PPP2R5C: variants seen among roughly 807,000 people sequenced by gnomAD.
PPP2R5C encodes serine/threonine-protein phosphatase 2A 56 kDa regulatory subunit gamma isoform.
A neutral mutation model predicts 68.9 loss-of-function variants in PPP2R5C; 7 were observed. The observed-to-expected ratio is 0.10, with a 90% CI of 0.06 to 0.19. The LOEUF is 0.19. PPP2R5C is among the 10% of genes least tolerant of loss of function. The pLI is 1.00. For missense variants in PPP2R5C, 348 were observed against 641.3 expected (o/e 0.54, Z 4.94); for synonymous variants, 210 against 222.2 (o/e 0.95, Z 0.49).
Position 101,888,507 on chromosome 14 carries a change from T to G in PPP2R5C, c.630-1730T>G, listed in dbSNP as rs969021933. Among the ~76,000 whole-genome samples, 3 of 152,194 alleles carry G rather than the reference T, an allele frequency of 2.0e-5. No individual in the cohort carries two copies. The highest frequency in any genetic ancestry group is 4.4e-5 in the Non-Finnish European group (3 of 68,032). ...TAGGCTTTGGCCACCTGCATTGTTG[T>G]GCTACTGGGTCTCCCTGCTAAAGGT... On this transcript the variant is annotated intron_variant, in intron 5 of 13. Transcript: ENST00000334743. The surrounding 1 kb of genome is among the most constrained non-coding windows in gnomAD (Gnocchi z 5.6).
chr14:101,780,642 CCT>C (rs1330082112), intron 2 of PPP2R5C, among the ~76,000 whole-genome samples: 1 of 152,136 alleles, frequency 6.6e-6, no homozygotes, highest in South Asian at 2.1e-4. Flanking sequence ...TTAACACACT[CCT>C]CTCTCTCTTG....
chr14:101,911,739 C>T (rs1595539994), intron 11 of PPP2R5C, among the ~76,000 whole-genome samples: 1 of 152,088 alleles, frequency 6.6e-6, no homozygotes, highest in South Asian at 2.1e-4. Flanking sequence ...GAAAATTAGC[C>T]GGGCGGTAGT....
Position 101,891,845 on chromosome 14 carries a change from A to T in PPP2R5C, c.690-1155A>T, listed in dbSNP as rs1172287305. On this transcript the variant is annotated intron_variant, in intron 6 of 13. Transcript: ENST00000334743. The surrounding 1 kb of genome is among the most constrained non-coding windows in gnomAD (Gnocchi z 4.9). ...AGTGGCAGTCACTCCCGTTTGCCTA[A>T]TTACAAAACCAAGACAATAAACTAG... Among the ~76,000 whole-genome samples, 1 of 152,234 alleles carries T rather than the reference A, an allele frequency of 6.6e-6. No individual in the cohort carries two copies. Among genetic ancestry groups the T allele is most frequent in the Non-Finnish European group, 1.5e-5 (1 of 68,046 alleles).
At position 101,917,781 on chromosome 14, in the gene PPP2R5C, A is replaced by G; in HGVS notation, c.1327-50A>G. 6.2e-7 allele frequency: 1 copy of G among 1,607,762 alleles called. No homozygotes were observed. The highest frequency in any genetic ancestry group is 8.5e-7 in the Non-Finnish European group (1 of 1,176,030). ...TCCCTAGCCAGGATGAGAAGCTTGG[A>G]GTTCAGAGCCTGGGCACCTAACAGA... On this transcript the variant is annotated intron_variant, in intron 12 of 13. Transcript: ENST00000334743. This position sits in a 1 kb window ranked among gnomAD's most constrained non-coding sequence, Gnocchi z 4.4.
At chr14:101,776,125 C>T (rs951322976) in intron 2 of PPP2R5C, among the ~76,000 whole-genome samples, 2 of 151,260 alleles carry the variant, frequency 1.3e-5, no homozygotes, top group Non-Finnish European at 2.9e-5. Flanking sequence ...CGCTTGGAAC[C>T]CTCTGGGACC....
intron 8 of PPP2R5C, among the ~76,000 whole-genome samples, chr14:101,900,163 A>G (rs932031404): frequency 2.6e-5 from 4 of 152,174 alleles, no homozygotes; most frequent in Admixed American, 2.6e-4. Flanking sequence ...CTGAGATTAC[A>G]TGCGTGAGCC....
rs1230066379 is a variant in PPP2R5C at position 101,891,021 on chromosome 14, C to T, written c.689+725C>T. 6.6e-6 allele frequency among the ~76,000 whole-genome samples: 1 copy of T among 152,110 alleles called. No homozygotes were observed. The highest frequency in any genetic ancestry group is 1.5e-5 in the Non-Finnish European group (1 of 68,026). On this transcript the variant is annotated intron_variant, in intron 6 of 13. Transcript: ENST00000334743. The surrounding 1 kb of genome is among the most constrained non-coding windows in gnomAD (Gnocchi z 4.9). Reference sequence around the variant, plus strand: ...CTGCTGGCCTCAGGTGATCTGCCCGCCTCACCTCCCAAAGTGCTGAGATTA... The same window carrying T: ...CTGCTGGCCTCAGGTGATCTGCCCGTCTCACCTCCCAAAGTGCTGAGATTA...
At chr14:101,895,892 A>G (rs1403649935) in intron 8 of PPP2R5C, among the ~76,000 whole-genome samples, 1 of 152,166 alleles carries the variant, frequency 6.6e-6, no homozygotes, top group South Asian at 2.1e-4. Flanking sequence ...ACAGACCCCC[A>G]TACTGTTTTC....
At position 101,916,702 on chromosome 14, in the gene PPP2R5C, AGGGGTGAGGGGGCAG is replaced by A. The variant is rs1566969405; in HGVS notation, c.1327-1120_1327-1106del. 5.0e-5 allele frequency among the ~76,000 whole-genome samples: 1 copy of A among 20,018 alleles called. No homozygotes were observed. The highest frequency in any genetic ancestry group is 9.1e-5 in the Non-Finnish European group (1 of 11,038). The allele number at this position is 20,018 out of a possible 152,430, so 13.1% of individuals were successfully genotyped here. A position where few individuals can be genotyped will look rare whatever the true frequency, so the allele number is the denominator to read the frequency against. ...TCTGGGCTGGCAGGGTGTGAGGGGC[AGGGGTGAGGGGGCAG>A]GGGGTGAGAGGCAGGGGTGAAGCAG... is the stretch of plus-strand genomic sequence containing the variant. On this transcript the variant is annotated intron_variant, in intron 12 of 13. Coordinates refer to ENST00000334743, the Ensembl canonical transcript of PPP2R5C. This position sits in a 1 kb window ranked among gnomAD's most constrained non-coding sequence, Gnocchi z 5.5.
Position 101,917,828 on chromosome 14 carries a change from C to T in PPP2R5C, c.1327-3C>T. On this transcript the variant is annotated splice_region_variant and splice_polypyrimidine_tract_variant and intron_variant, in intron 12 of 13. Coordinates refer to ENST00000334743, the Ensembl canonical transcript of PPP2R5C. The surrounding 1 kb of genome is among the most constrained non-coding windows in gnomAD (Gnocchi z 4.4). ...CAGAGCGACTCCACGCTTTGCATTG[C>T]AGTACACAGTGTATAGTCAAGCCAG... 1 of 1,613,384 alleles carries T rather than the reference C, an allele frequency of 6.2e-7. No individual in the cohort carries two copies. Among genetic ancestry groups the T allele is most frequent in the Non-Finnish European group, 8.5e-7 (1 of 1,179,502 alleles).
intron 1 of PPP2R5C, among the ~76,000 whole-genome samples, chr14:101,847,702 C>G (rs565878922): frequency 7.2e-6 from 1 of 138,608 alleles, no homozygotes; most frequent in Non-Finnish European, 1.5e-5. Flanking sequence ...GAGTCTCTAT[C>G]GCGAGGCTGG....
chr14:101,890,508 C>T (rs908380544), intron 6 of PPP2R5C, among the ~76,000 whole-genome samples: 1 of 152,130 alleles, frequency 6.6e-6, no homozygotes, highest in South Asian at 2.1e-4. Context: ...TGGTTCTGTA[C>T]GTAGATTCTA....
chr14:101,776,032 C>T (rs1162719796), intron 2 of PPP2R5C, among the ~76,000 whole-genome samples: 1 of 147,636 alleles, frequency 6.8e-6, no homozygotes, highest in Admixed American at 6.7e-5. Context: ...GCCCCCCCCC[C>T]ACTCCACCCC....
chr14:101,835,519 A>C lies in PPP2R5C; in HGVS notation c.95-21167A>C, dbSNP rs542074275. Among the ~76,000 whole-genome samples, 52 of 152,342 alleles carry C rather than the reference A, an allele frequency of 3.4e-4. 1 individual carries two copies. In the South Asian group the frequency reaches 8.5e-3, roughly 25 times the overall value. On this transcript the variant is annotated intron_variant, in intron 1 of 13. Transcript: ENST00000334743. The surrounding 1 kb of genome is among the most constrained non-coding windows in gnomAD (Gnocchi z 5.0). ...GGGCTCCTTCCCACTTGTCATCTGT[A>C]ATACTGGCTAATGGGAAACCTGGCC... is the stretch of plus-strand genomic sequence containing the variant.
intron 12 of PPP2R5C, among the ~76,000 whole-genome samples, chr14:101,914,729 A>T (rs2141135494): frequency 6.6e-6 from 1 of 152,348 alleles, no homozygotes; most frequent in Non-Finnish European, 1.5e-5. Context: ...TTGAGCAGTT[A>T]TGGCAACTTT....
chr14:101,893,476 A>T (rs1158955383), intron 7 of PPP2R5C, among the ~76,000 whole-genome samples: 1 of 152,106 alleles, frequency 6.6e-6, no homozygotes, highest in Non-Finnish European at 1.5e-5. Flanking sequence ...AACGTTTTTT[A>T]AAAAAATAAA....
At position 101,882,362 on chromosome 14, in the gene PPP2R5C, A is replaced by T; in HGVS notation, c.405+91A>T. 1.1e-6 allele frequency: 1 copy of T among 892,666 alleles called. No individual in the cohort carries two copies. The highest frequency in any genetic ancestry group is 1.7e-6 in the Non-Finnish European group (1 of 589,922). The allele number at this position is 892,666 out of a possible 1,614,324, so 55.3% of individuals were successfully genotyped here. A position where few individuals can be genotyped will look rare whatever the true frequency, so the allele number is the denominator to read the frequency against. On this transcript the variant is annotated intron_variant, in intron 3 of 13. Coordinates refer to ENST00000334743, the Ensembl canonical transcript of PPP2R5C. This position sits in a 1 kb window ranked among gnomAD's most constrained non-coding sequence, Gnocchi z 4.9. ...AGAGCGGGCGCACTGGTCTGGCCAGATGGACCTCTCCTCCTCAGTAGCATG... is the reference window on the plus strand; with the variant it reads ...AGAGCGGGCGCACTGGTCTGGCCAGTTGGACCTCTCCTCCTCAGTAGCATG...
exon 14 of PPP2R5C, chr14:101,925,606 C>T: frequency 5.2e-6 from 1 of 193,806 alleles, no homozygotes. Context: ...AACTTAGGAT[C>T]TTTTAACATA....
chr14:101,786,467 A>G (rs894060339), intron 3 of PPP2R5C, among the ~76,000 whole-genome samples: 1 of 152,200 alleles, frequency 6.6e-6, no homozygotes, highest in African/African-American at 2.4e-5. Context: ...TATGGTATTA[A>G]GCTAGCCAGT....
Sources: gnomAD v4.1 joint callset for allele counts (sites outside exome capture counted in the v4.1 genomes callset) on GRCh38, gnomAD v4.1.1 for gene constraint, Gnocchi (gnomAD v3.1) non-coding constraint, MANE v1.5 for transcripts, NCBI Gene and HGNC (gene_info 2026-07-23, HGNC 2026-07-21) for gene names.